Variants in CNTNAP2 observed in about 807,000 individuals in gnomAD.
The protein encoded by CNTNAP2 is contactin-associated protein-like 2.
In CNTNAP2, 98 loss-of-function variants were observed where a neutral mutation model predicts 155.2. The ratio of observed to expected loss-of-function variants is 0.63; its 90% CI spans 0.54 to 0.75. The LOEUF (loss-of-function observed/expected upper bound fraction) is 0.75, where lower values mean the gene tolerates loss of function less well. Ranked by LOEUF, CNTNAP2 falls within the 30% of genes least tolerant of loss-of-function variation. The pLI is 0.00. For missense variants in CNTNAP2, 1,727 were observed against 1,688.1 expected, an observed-to-expected ratio of 1.02 and a Z score of -0.40; for synonymous variants, 651 against 631.2, an observed-to-expected ratio of 1.03 and a Z score of -0.47.
intron 1 of CNTNAP2, among the ~76,000 whole-genome samples, chr7:146,265,457 C>CTTT (rs796634792): frequency 0.03 from 4,076 of 135,558 alleles, 254 homozygotes; most frequent in African/African-American, 0.11. Context: ...TTCTTTCTTT[C>CTTT]TTTTTTTTTT....
At chr7:148,188,917 G>A (rs888488673) in intron 18 of CNTNAP2, among the ~76,000 whole-genome samples, 3 of 152,142 alleles carry the variant, frequency 2.0e-5, no homozygotes, top group Non-Finnish European at 4.4e-5. Context: ...ATAGGGAAAT[G>A]GCAATTTCAA....
intron 1 of CNTNAP2, among the ~76,000 whole-genome samples, chr7:146,282,664 G>A (rs1478093349): frequency 6.6e-6 from 1 of 152,132 alleles, no homozygotes; most frequent in East Asian, 1.9e-4. Flanking sequence ...GAGACATCTG[G>A]AATTTTCTAT....
At chr7:146,728,944 C>G (rs1801478802) in intron 1 of CNTNAP2, among the ~76,000 whole-genome samples, 1 of 152,192 alleles carries the variant, frequency 6.6e-6, no homozygotes, top group African/African-American at 2.4e-5. Context: ...TCTTCTTAAA[C>G]TCTGTTCAGA....
At chr7:147,411,283 T>C (rs963037636) in intron 10 of CNTNAP2, among the ~76,000 whole-genome samples, 1 of 152,206 alleles carries the variant, frequency 6.6e-6, no homozygotes. Flanking sequence ...ATTAAGATGG[T>C]ATTTTAATTG....
chr7:147,505,634 T>C (rs2116677972), intron 11 of CNTNAP2, among the ~76,000 whole-genome samples: 1 of 152,344 alleles, frequency 6.6e-6, no homozygotes, highest in Non-Finnish European at 1.5e-5. Context: ...GTATCTGTTT[T>C]CTTAATTTTG....
At position 147,030,572 on chromosome 7, in the gene CNTNAP2, C is replaced by T. The variant is rs562194492; in HGVS notation, c.403-13335C>T. On this transcript the variant is annotated intron_variant, in intron 3 of 23. Transcript: ENST00000361727. ...TCATTTAACGGTAAAGTTCTTTTTC[C>T]CCAATATCTTCTTATTTCCTGTTCC... Among the ~76,000 whole-genome samples the T allele has an allele frequency of 2.6e-5, 4 of 151,988 alleles. No individual in the cohort carries two copies. The East Asian group carries it at 5.8e-4, about 22-fold the overall frequency.
At chr7:146,899,018 T>C (rs35751205) in intron 3 of CNTNAP2, among the ~76,000 whole-genome samples, 2,346 of 152,272 alleles carry the variant, frequency 0.015, 128 homozygotes, top group Admixed American at 0.11. Flanking sequence ...ATTCAACCTT[T>C]GTGTGGCACT....
intron 13 of CNTNAP2, among the ~76,000 whole-genome samples, chr7:147,860,812 T>C (rs1212378610): frequency 6.6e-6 from 1 of 152,114 alleles, no homozygotes; most frequent in East Asian, 1.9e-4. Flanking sequence ...AATACAATAT[T>C]TGGAAACTCT....
At chr7:148,065,634 A>G (rs143595491) in intron 15 of CNTNAP2, among the ~76,000 whole-genome samples, 88 of 152,204 alleles carry the variant, frequency 5.8e-4, no homozygotes, top group Non-Finnish European at 9.3e-4. Context: ...GTCCATTTGC[A>G]TGGAATATCT....
chr7:148,224,440 T>G (rs914640754), intron 19 of CNTNAP2, among the ~76,000 whole-genome samples: 4 of 152,104 alleles, frequency 2.6e-5, no homozygotes, highest in Non-Finnish European at 1.5e-5. Context: ...ATAAGAGAAG[T>G]TCGTGGTAGT....
At chr7:147,924,889 G>T (rs1046728442) in intron 14 of CNTNAP2, among the ~76,000 whole-genome samples, 2 of 151,888 alleles carry the variant, frequency 1.3e-5, no homozygotes, top group South Asian at 4.2e-4. Flanking sequence ...AGGCCTAGGC[G>T]GGCGGATCAT....
At chr7:147,698,558 T>G (rs1326478915) in intron 13 of CNTNAP2, among the ~76,000 whole-genome samples, 1 of 152,196 alleles carries the variant, frequency 6.6e-6, no homozygotes, top group Non-Finnish European at 1.5e-5. Context: ...ATTATTTAAG[T>G]CCAAATGACA....
intron 3 of CNTNAP2, among the ~76,000 whole-genome samples, chr7:146,879,823 A>G (rs1795503703): frequency 6.6e-6 from 1 of 152,158 alleles, no homozygotes; most frequent in African/African-American, 2.4e-5. Context: ...TGATAAAGAC[A>G]TACTGGAGAC....
chr7:147,976,415 AGGGTG>A (rs66957305), intron 14 of CNTNAP2, among the ~76,000 whole-genome samples: 1,562 of 152,316 alleles, frequency 0.01, 31 homozygotes, highest in African/African-American at 0.036. Flanking sequence ...CTAATAAAAG[AGGGTG>A]GGTTTGTAAA....
At chr7:146,313,029 A>T (rs968767617) in intron 1 of CNTNAP2, among the ~76,000 whole-genome samples, 3 of 152,172 alleles carry the variant, frequency 2.0e-5, no homozygotes, top group African/African-American at 7.2e-5. Context: ...GGGAATGCCG[A>T]TATCTCCTTG....
intron 10 of CNTNAP2, among the ~76,000 whole-genome samples, chr7:147,444,525 C>CTTTTTTTTTTTTTTTTTTTTTTTTTTT (rs557707358): frequency 7.6e-6 from 1 of 131,878 alleles, no homozygotes; most frequent in Non-Finnish European, 1.6e-5. Flanking sequence ...ATTAAATTTT[C>CTTTTTTTTTTTTTTTTTTTTTTTTTTT]TTTTTTTTTT....
chr7:146,866,293 T>A lies in CNTNAP2; in HGVS notation c.402+26389T>A, dbSNP rs564383969. 5.3e-5 allele frequency among the ~76,000 whole-genome samples: 8 copies of A among 152,248 alleles called. 1 individual carries two copies. The highest frequency in any genetic ancestry group is 1.9e-4 in the African/African-American group (8 of 41,578). ...ACCTTTAATATTAGGTAATTCCATA[T>A]AAGCCTTTATAATAAAATATTTATC... is the stretch of plus-strand genomic sequence containing the variant. On this transcript the variant is annotated intron_variant, in intron 3 of 23. Coordinates refer to ENST00000361727, the MANE Select transcript of CNTNAP2 (RefSeq NM_014141.6).
At chr7:147,632,903 T>G (rs1273987096) in intron 12 of CNTNAP2, among the ~76,000 whole-genome samples, 1 of 152,204 alleles carries the variant, frequency 6.6e-6, no homozygotes, top group Non-Finnish European at 1.5e-5. Context: ...TAAAAGTGAC[T>G]CTTGCTATGC....
At chr7:146,440,122 T>TCAAAA (rs578098297) in intron 1 of CNTNAP2, among the ~76,000 whole-genome samples, 11 of 151,718 alleles carry the variant, frequency 7.3e-5, no homozygotes, top group South Asian at 2.1e-4. Flanking sequence ...CGACTCCATC[T>TCAAAA]CAAAACAAAA....
Sources: gnomAD v4.1 joint callset for allele counts (sites outside exome capture counted in the v4.1 genomes callset) on GRCh38, gnomAD v4.1.1 for gene constraint, MANE v1.5 for transcripts, NCBI Gene and HGNC (gene_info 2026-07-23, HGNC 2026-07-21) for gene names.